Variants in PREX2 observed in about 807,000 individuals in gnomAD.
PREX2 encodes phosphatidylinositol 3,4,5-trisphosphate-dependent Rac exchanger 2 protein.
A neutral mutation model predicts 203.2 loss-of-function variants in PREX2; 107 were observed. That is an observed-to-expected ratio of 0.53 (90% confidence interval 0.45 to 0.62). The LOEUF is 0.62. PREX2 is among the 20% of genes least tolerant of loss of function. The pLI, the probability that PREX2 is intolerant of heterozygous loss-of-function variation, is 0.00. For missense variants in PREX2, 1,777 were observed against 1,955.9 expected, an observed-to-expected ratio of 0.91 and a Z score of 1.72; for synonymous variants, 672 against 663.6, an observed-to-expected ratio of 1.01 and a Z score of -0.19.
chr8:68,037,740 A>G (rs1176857203), intron 6 of PREX2, among the ~76,000 whole-genome samples: 1 of 152,142 alleles, frequency 6.6e-6, no homozygotes, highest in Non-Finnish European at 1.5e-5. Flanking sequence ...GAGACCTGCT[A>G]AAAATTTAGA....
chr8:68,063,702 A>G (rs1808929703), intron 11 of PREX2, among the ~76,000 whole-genome samples: 1 of 152,170 alleles, frequency 6.6e-6, no homozygotes, highest in African/African-American at 2.4e-5. Flanking sequence ...CCTTTCTAGA[A>G]GGAAGTATGA....
At chr8:68,062,310 T>C (rs1479741658) in intron 11 of PREX2, among the ~76,000 whole-genome samples, 1 of 152,224 alleles carries the variant, frequency 6.6e-6, no homozygotes, top group African/African-American at 2.4e-5. Flanking sequence ...AGAGACCTTT[T>C]AAAACGGGGA....
At chr8:68,056,915 A>G (rs7005044) in intron 10 of PREX2, among the ~76,000 whole-genome samples, 14,588 of 152,200 alleles carry the variant, frequency 0.096, 760 homozygotes, top group Middle Eastern at 0.12. Flanking sequence ...CATGGAGATG[A>G]TGGTAGAGTT....
intron 8 of PREX2, among the ~76,000 whole-genome samples, chr8:68,044,953 A>G (rs1808307500): frequency 6.6e-6 from 1 of 152,122 alleles, no homozygotes; most frequent in African/African-American, 2.4e-5. Context: ...TTTTGTTCCT[A>G]TAATATATTC....
intron 9 of PREX2, 46 bp downstream of exon 9, chr8:68,053,292 C>T: frequency 1.3e-6 from 2 of 1,590,014 alleles, no homozygotes; most frequent in Non-Finnish European, 8.6e-7. Flanking sequence ...AAGACTCTAA[C>T]TTAGCATAGG....
chr8:68,088,566 G>T (rs1809772330), intron 19 of PREX2, among the ~76,000 whole-genome samples: 1 of 151,880 alleles, frequency 6.6e-6, no homozygotes, highest in Non-Finnish European at 1.5e-5. Flanking sequence ...ATTTTAAGAG[G>T]GCATTTTTAT....
In PREX2 at chr8:67,969,617, A is replaced by G. The variant is rs114640253; in HGVS notation, c.141+17082A>G. ...GGTTTGTAGTTACTCCCTCAAGTCC[A>G]TTTTCCACCTAGGAAGGTTTATTAA... On this transcript the variant is annotated intron_variant, in intron 1 of 39. Coordinates refer to ENST00000288368, the MANE Select transcript of PREX2 (RefSeq NM_024870.4). Among the ~76,000 whole-genome samples, 1,228 of 152,248 alleles carry G rather than the reference A, an allele frequency of 8.1e-3. 15 individuals carry two copies. Among genetic ancestry groups the G allele is most frequent in the African/African-American group, 0.028 (1,171 of 41,540 alleles).
At chr8:68,125,537 A>T (rs2129613212) in intron 30 of PREX2, among the ~76,000 whole-genome samples, 1 of 152,270 alleles carries the variant, frequency 6.6e-6, no homozygotes, top group East Asian at 1.9e-4. Flanking sequence ...AAGAGAGCAG[A>T]GAAGATAGTG....
intron 35 of PREX2, among the ~76,000 whole-genome samples, chr8:68,179,127 C>G (rs917645886): frequency 6.6e-5 from 10 of 152,070 alleles, no homozygotes; most frequent in Admixed American, 6.6e-5. Context: ...GCTCTAGTCT[C>G]TCCTCTGGTG....
chr8:68,128,441 T>TG (rs34772713), intron 31 of PREX2, among the ~76,000 whole-genome samples: 40,892 of 152,082 alleles, frequency 0.27, 5,760 homozygotes, highest in African/African-American at 0.35. Flanking sequence ...TAGTGTCATC[T>TG]GGCCATTTCT....
chr8:68,135,488 A>G (rs1277306945), intron 32 of PREX2, among the ~76,000 whole-genome samples: 1 of 152,226 alleles, frequency 6.6e-6, no homozygotes, highest in Non-Finnish European at 1.5e-5. Flanking sequence ...GATCAACATC[A>G]TTAGCCATTA....
At chr8:68,062,964 A>G (rs1402318185) in intron 11 of PREX2, among the ~76,000 whole-genome samples, 1 of 152,194 alleles carries the variant, frequency 6.6e-6, no homozygotes, top group East Asian at 1.9e-4. Flanking sequence ...TATTTGCTGA[A>G]TGAATGAATA....
In PREX2 at chr8:68,134,090, T is replaced by G. The variant is rs1342605045; in HGVS notation, c.3798T>G (p.Val1266=). 6.2e-7 allele frequency: 1 copy of G among 1,614,160 alleles called. No individual in the cohort carries two copies. Among genetic ancestry groups the G allele is most frequent in the South Asian group, 1.1e-5 (1 of 91,084 alleles). The change falls in exon 32 of 40, where the codon GTT becomes GTG. Residue 1266 remains valine (V), a synonymous_variant. Transcript: ENST00000288368. Reference sequence around the variant, plus strand: ...AGACACAGCTCCGTAGAGACATGGTTTTCTGCCAGACTCTTGTGGCCACTG... The same window carrying G: ...AGACACAGCTCCGTAGAGACATGGTGTTCTGCCAGACTCTTGTGGCCACTG... The part of the protein sequence containing the change: ...DSETQLRRDM[V]FCQTLVATVC...
chr8:68,171,907 T>C (rs1215483539), intron 35 of PREX2, among the ~76,000 whole-genome samples: 1 of 152,204 alleles, frequency 6.6e-6, no homozygotes, highest in Non-Finnish European at 1.5e-5. Flanking sequence ...GAGCTACAGC[T>C]ATTAGAGATA....
intron 7 of PREX2, among the ~76,000 whole-genome samples, chr8:68,044,030 T>G (rs1421786602): frequency 6.6e-6 from 1 of 152,128 alleles, no homozygotes; most frequent in African/African-American, 2.4e-5. Flanking sequence ...TGGATATCAC[T>G]GAGCTTAAGA....
At chr8:68,219,096 T>C (rs573316287) in intron 38 of PREX2, among the ~76,000 whole-genome samples, 4 of 152,156 alleles carry the variant, frequency 2.6e-5, no homozygotes, top group Admixed American at 2.0e-4. Flanking sequence ...CTTATTAGAG[T>C]AGGTTTGTAG....
At chr8:68,211,789 T>G (rs538904325) in intron 37 of PREX2, among the ~76,000 whole-genome samples, 1 of 152,160 alleles carries the variant, frequency 6.6e-6, no homozygotes, top group East Asian at 1.9e-4. Context: ...ACTGAAAGCG[T>G]AAAGAAGTTG....
rs1265537119 is a variant in PREX2 at position 68,234,288 on chromosome 8, T to C, written c.*2910T>C. On this transcript the variant is annotated 3_prime_UTR_variant, in exon 40 of 40. Coordinates refer to ENST00000288368, the MANE Select transcript of PREX2 (RefSeq NM_024870.4). Reference sequence around the variant, plus strand: ...TTTACCTTAATGCTACATGCTCCTCTATAACCAGTGCACCTTCAAATACTG... The same window carrying C: ...TTTACCTTAATGCTACATGCTCCTCCATAACCAGTGCACCTTCAAATACTG... 1 of 152,180 alleles carries C rather than the reference T, an allele frequency of 6.6e-6. No individual in the cohort carries two copies. The highest frequency in any genetic ancestry group is 1.5e-5 in the Non-Finnish European group (1 of 68,050). 9.4% of individuals were successfully genotyped at this position (152,180 alleles called of 1,614,324 possible).
intron 30 of PREX2, among the ~76,000 whole-genome samples, chr8:68,123,287 A>G (rs533908613): frequency 1.3e-5 from 2 of 152,216 alleles, no homozygotes; most frequent in South Asian, 2.1e-4. Context: ...CAAAAGTTAG[A>G]AAGATCTTGA....
Sources: gnomAD v4.1 joint callset for allele counts (sites outside exome capture counted in the v4.1 genomes callset) on GRCh38, gnomAD v4.1.1 for gene constraint, MANE v1.5 for transcripts, NCBI Gene and HGNC (gene_info 2026-07-23, HGNC 2026-07-21) for gene names.